The following MROH2B variants were observed in gnomAD, a reference collection of about 807,000 sequenced individuals.
MROH2B encodes maestro heat-like repeat-containing protein family member 2B.
MROH2B carries 177 observed loss-of-function variants against 208.6 expected under a neutral mutation model. The ratio of observed to expected loss-of-function variants is 0.85; its 90% confidence interval spans 0.75 to 0.96. The LOEUF (loss-of-function observed/expected upper bound fraction) is 0.96. Ranked by LOEUF, MROH2B falls within the 40% of genes least tolerant of loss-of-function variation. The probability of loss-of-function intolerance (pLI) is 0.00; values close to 1 mark genes in which losing one functional copy is unlikely to be tolerated. For synonymous variants in MROH2B, 728 were observed against 659.0 expected, an observed-to-expected ratio of 1.10 and a Z score of -1.60; for missense variants, 2,002 against 1,878.7, an observed-to-expected ratio of 1.07 and a Z score of -1.21.
At chr5:41,056,143 G>A (rs1427259244) in intron 9 of MROH2B, among the ~76,000 whole-genome samples, 1 of 152,054 alleles carries the variant, frequency 6.6e-6, no homozygotes, top group East Asian at 1.9e-4. Context: ...TATTAGAGTG[G>A]GCCTGAATTT....
chr5:41,017,798 AAAG>A, intron 28 of MROH2B, 49 bp downstream of exon 28: 1 of 1,531,674 alleles, frequency 6.5e-7, no homozygotes, highest in Non-Finnish European at 8.8e-7. Context: ...GCTGAGAATA[AAAG>A]AAGATGGGTT....
rs1741323992 is a variant in MROH2B, at chr5:40,999,724, A to T, written c.4538T>A (p.Phe1513Tyr). ...CCTGATCACCTCCCAGGTGCTGGTG[A>T]AGAAGGTGAAGGAGTGTGTGTGGAG... Reference protein sequence around the residue: ...WILHTHSFTFFTSTWEVIRSA... With the variant: ...WILHTHSFTFYTSTWEVIRSA... Residue 1513 changes from phenylalanine (F) to tyrosine (Y), a missense_variant, in exon 40 of 42, where the codon TTC becomes TAC. Phe to Tyr is a conservative substitution (Grantham distance 22, BLOSUM62 3). Transcript: ENST00000399564. 6.2e-7 allele frequency: 1 copy of T among 1,613,534 alleles called. No homozygotes were observed. Among genetic ancestry groups the T allele is most frequent in the African/African-American group, 1.3e-5 (1 of 74,916 alleles).
chr5:41,039,267 A>G (rs1742866951), intron 20 of MROH2B, among the ~76,000 whole-genome samples, 181 bp downstream of exon 20: 1 of 152,198 alleles, frequency 6.6e-6, no homozygotes, highest in Non-Finnish European at 1.5e-5. Context: ...AGGGTCAGAG[A>G]AAATAAAGTA....
At chr5:40,999,834 T>C in intron 39 of MROH2B, 55 bp from the exon 40 acceptor site, 2 of 1,528,196 alleles carry the variant, frequency 1.3e-6, no homozygotes, top group Non-Finnish European at 1.8e-6. Flanking sequence ...CTTTGTGACA[T>C]TTGGCATCCT....
In MROH2B at chr5:41,000,797, A is replaced by G; in HGVS notation, c.4231T>C (p.Phe1411Leu). 2.5e-6 allele frequency: 4 copies of G among 1,611,806 alleles called. No individual in the cohort carries two copies. The highest frequency in any genetic ancestry group is 3.4e-6 in the Non-Finnish European group (4 of 1,179,076). The change falls in exon 38 of 42, where the codon TTT (phenylalanine) becomes CTT (leucine). Residue 1411 changes from phenylalanine to leucine, a missense_variant. Phe to Leu is a conservative substitution (Grantham distance 22, BLOSUM62 0). Transcript: ENST00000399564. ...DDVRLTAIFL[F>L]EDLAPLTGRR... Reference sequence around the variant, plus strand: ...CCTGTTAGGGGTGCCAGGTCCTCAAATAAGAAGATGGCAGTCAATCTCACA... The same window carrying G: ...CCTGTTAGGGGTGCCAGGTCCTCAAGTAAGAAGATGGCAGTCAATCTCACA...
chr5:41,042,614 G>A (rs187569687), intron 18 of MROH2B, among the ~76,000 whole-genome samples: 235 of 152,090 alleles, frequency 1.5e-3, no homozygotes, highest in African/African-American at 5.4e-3. Flanking sequence ...GTTTTGTTTT[G>A]TTTTTTTAAG....
At chr5:41,018,644 A>G (rs1199495368) in intron 26 of MROH2B, 47 bp downstream of exon 26, 11 of 1,599,312 alleles carry the variant, frequency 6.9e-6, no homozygotes, top group Non-Finnish European at 8.6e-6. Flanking sequence ...ACATTGAAGA[A>G]CAGATTAGGG....
At position 41,058,122 on chromosome 5, in the gene MROH2B, G is replaced by C; in HGVS notation, c.697C>G (p.Gln233Glu). 6.2e-7 allele frequency: 1 copy of C among 1,606,168 alleles called. No individual in the cohort carries two copies. Among genetic ancestry groups the C allele is most frequent in the East Asian group, 2.3e-5 (1 of 44,428 alleles). The change falls in exon 7 of 42, where the codon CAG (glutamine) becomes GAG (glutamate). Residue 233 changes from glutamine (Q) to glutamate (E), a missense_variant. Gln to Glu is a conservative substitution (Grantham distance 29, BLOSUM62 2). Coordinates refer to ENST00000399564, the MANE Select transcript of MROH2B (RefSeq NM_173489.5). ...REDFRGYALG[Q>E]VPWLLNQYKD... ...TACTGGTTCAGGAGCCAGGGCACCT[G>C]GCCCAGGGCGTATCCACGGAAGTCT...
chr5:41,026,910 C>G (rs1350593881), intron 24 of MROH2B, among the ~76,000 whole-genome samples: 1 of 152,160 alleles, frequency 6.6e-6, no homozygotes, highest in Non-Finnish European at 1.5e-5. Flanking sequence ...TGATCTTTGA[C>G]AAACCTGACG....
rs750372428 is a variant in MROH2B, at chr5:41,064,488, C to T, written c.444G>A (p.Lys148=). ...MLRLAEDERM[K]GTFCIALEKF... Reference sequence around the variant, plus strand: ...GATACCCACCAATACAGAAAGTCCCCTTCATCCTTTCATCCTCGGCCAGCC... The same window carrying T: ...GATACCCACCAATACAGAAAGTCCCTTTCATCCTTTCATCCTCGGCCAGCC... Residue 148 remains lysine (K), a synonymous_variant, in exon 5 of 42, where the codon AAG becomes AAA. Transcript: ENST00000399564. 5.0e-6 allele frequency: 8 copies of T among 1,613,108 alleles called. No individual in the cohort carries two copies. The South Asian group carries it at 8.8e-5, about 18-fold the overall frequency.
In MROH2B at chr5:40,999,109, G is replaced by C. The variant is rs187857228; in HGVS notation, c.4586-432C>G. 6.2e-4 allele frequency among the ~76,000 whole-genome samples: 95 copies of C among 152,296 alleles called. 1 individual carries two copies. The highest frequency in any genetic ancestry group is 2.1e-3 in the African/African-American group (86 of 41,562). ...CTGTGGGCTGAATTAGTTGGAACAG[G>C]CTTCAAAGTAAGACTTAGAATTTCA... is the stretch of plus-strand genomic sequence containing the variant. On this transcript the variant is annotated intron_variant, in intron 40 of 41. Transcript: ENST00000399564.
At chr5:41,049,855 A>G (rs939112335) in intron 13 of MROH2B, among the ~76,000 whole-genome samples, 4 of 152,182 alleles carry the variant, frequency 2.6e-5, no homozygotes, top group Non-Finnish European at 4.4e-5. Flanking sequence ...TTGGGAGAGG[A>G]TAGTGAATGG....
At chr5:41,000,653 G>C in intron 38 of MROH2B, 25 bp downstream of exon 38, 4 of 1,595,852 alleles carry the variant, frequency 2.5e-6, no homozygotes, top group Non-Finnish European at 3.4e-6. Flanking sequence ...AGCAGGAGGT[G>C]CAGGTGTCTG....
rs767489394 is a variant in MROH2B at position 41,052,416 on chromosome 5, G to A, written c.1230+49C>T. The A allele has an allele frequency of 7.2e-5, 108 of 1,502,314 alleles. 1 individual carries two copies. The highest frequency in any genetic ancestry group is 4.1e-4 in the Admixed American group (21 of 51,068). The allele number at this position is 1,502,314 out of a possible 1,614,324, so 93.1% of individuals were successfully genotyped here. On this transcript the variant is annotated intron_variant, in intron 12 of 41. Coordinates refer to ENST00000399564, the MANE Select transcript of MROH2B (RefSeq NM_173489.5). ...TTTTTAAAAAGAAACATAGTTGAGCGAACTGTACTTTTTATAGTGCATCAC... is the reference window on the plus strand; with the variant it reads ...TTTTTAAAAAGAAACATAGTTGAGCAAACTGTACTTTTTATAGTGCATCAC...
intron 33 of MROH2B, 38 bp from the exon 34 acceptor site, chr5:41,007,492 C>A: frequency 6.9e-7 from 1 of 1,452,162 alleles, no homozygotes. Flanking sequence ...CTAAGTTGAC[C>A]CTTATAGGGA....
At chr5:41,040,515 C>T (rs562175419) in intron 19 of MROH2B, among the ~76,000 whole-genome samples, 1 of 152,264 alleles carries the variant, frequency 6.6e-6, no homozygotes, top group East Asian at 1.9e-4. Flanking sequence ...AGATTGAAAA[C>T]CAAGTAGGCT....
chr5:41,070,819 G>T lies in MROH2B; in HGVS notation c.28+6C>A, dbSNP rs1370293129. 1.2e-6 allele frequency: 2 copies of T among 1,610,176 alleles called. No individual in the cohort carries two copies. Among genetic ancestry groups the T allele is most frequent in the South Asian group, 2.2e-5 (2 of 90,272 alleles). ...CCTTGGCTTCTCAGGATCTGATGAT[G>T]CTTACCTATGGATTCCTCTGTACTA... On this transcript the variant is annotated splice_donor_region_variant and intron_variant, in intron 1 of 41. Coordinates refer to ENST00000399564, the MANE Select transcript of MROH2B (RefSeq NM_173489.5).
Position 41,004,353 on chromosome 5 carries a change from A to G in MROH2B, c.4187T>C (p.Phe1396Ser), listed in dbSNP as rs779662790. 7 of 1,612,728 alleles carry G rather than the reference A, an allele frequency of 4.3e-6. No individual in the cohort carries two copies. The highest frequency in any genetic ancestry group is 3.3e-5 in the South Asian group (3 of 90,910). The stretch of plus-strand genomic sequence containing the variant: ...CTAAACAGGCTCACTTACATCTTCA[A>G]AGAAGGTCCTTGTTTGCAGCACTAT... ...KEIVLQTRTFFEDEQDDVRLT... is the reference protein window; with the variant it reads ...KEIVLQTRTFSEDEQDDVRLT... The change falls in exon 37 of 42, where the codon TTT becomes TCT. Residue 1396 changes from phenylalanine to serine, a missense_variant. Coordinates refer to ENST00000399564, the MANE Select transcript of MROH2B (RefSeq NM_173489.5).
At chr5:41,027,762 A>C (rs1396746355) in intron 24 of MROH2B, among the ~76,000 whole-genome samples, 2 of 152,230 alleles carry the variant, frequency 1.3e-5, no homozygotes, top group South Asian at 2.1e-4. Flanking sequence ...GGCACTATTC[A>C]CAATAGCAAA....
Sources: gnomAD v4.1 joint callset for allele counts (sites outside exome capture counted in the v4.1 genomes callset) on GRCh38, gnomAD v4.1.1 for gene constraint, MANE v1.5 for transcripts, NCBI Gene and HGNC (gene_info 2026-07-23, HGNC 2026-07-21) for gene names.